Variants in ANKRD33B observed in about 807,000 individuals in gnomAD.
ANKRD33B encodes the protein ankyrin repeat domain-containing protein 33B.
ANKRD33B carries 6 observed loss-of-function variants against 21.5 expected under a neutral mutation model. The ratio of observed to expected loss-of-function variants is 0.28; its 90% CI spans 0.15 to 0.55. ANKRD33B has a LOEUF of 0.55. Ranked by LOEUF, ANKRD33B falls within the 20% of genes least tolerant of loss-of-function variation. ANKRD33B has a pLI of 0.94. For missense variants in ANKRD33B, 698 were observed against 747.2 expected (o/e 0.93, Z 0.77); for synonymous variants, 347 against 342.4 (o/e 1.01, Z -0.15).
At chr5:10,644,684 A>G (rs1350740676) in intron 3 of ANKRD33B, among the ~76,000 whole-genome samples, 1 of 152,236 alleles carries the variant, frequency 6.6e-6, no homozygotes, top group East Asian at 1.9e-4. Flanking sequence ...TTCCAACCAT[A>G]TAGAGGTTTC....
chr5:10,571,012 A>AATT (rs966924961), intron 1 of ANKRD33B, among the ~76,000 whole-genome samples: 95 of 149,998 alleles, frequency 6.3e-4, no homozygotes, highest in African/African-American at 2.3e-3. Flanking sequence ...ATAACATTGT[A>AATT]ATTATTATTA....
At chr5:10,638,249 A>T in intron 3 of ANKRD33B, 81 bp downstream of exon 3, 1 of 1,461,868 alleles carries the variant, frequency 6.8e-7, no homozygotes, top group Non-Finnish European at 9.1e-7. Flanking sequence ...TTTGAGATTA[A>T]TCACTCCCAT....
chr5:10,606,791 C>G (rs1379721951), intron 1 of ANKRD33B, among the ~76,000 whole-genome samples: 1 of 150,754 alleles, frequency 6.6e-6, no homozygotes, highest in Non-Finnish European at 1.5e-5. Flanking sequence ...GGCAGTGGCG[C>G]AATCTCAGCT....
At chr5:10,615,450 T>A (rs544885204) in intron 1 of ANKRD33B, among the ~76,000 whole-genome samples, 22 of 152,338 alleles carry the variant, frequency 1.4e-4, no homozygotes, top group African/African-American at 5.1e-4. Flanking sequence ...TATCCAAGAA[T>A]AGGGATTTGT....
intron 2 of ANKRD33B, chr5:10,625,168 T>C (rs533333866): frequency 5.7e-6 from 1 of 174,636 alleles, no homozygotes; most frequent in African/African-American, 2.4e-5. Flanking sequence ...AAGAGGCTGT[T>C]TAGGCCCAAT....
chr5:10,634,604 C>T (rs1374353048), intron 2 of ANKRD33B, among the ~76,000 whole-genome samples: 1 of 151,846 alleles, frequency 6.6e-6, no homozygotes, highest in Non-Finnish European at 1.5e-5. Flanking sequence ...AGAATATAGG[C>T]ATGCACCAGC....
rs144188919 is a variant in ANKRD33B at position 10,606,463 on chromosome 5, C to T, written c.367-11870C>T. Among the ~76,000 whole-genome samples, 936 of 152,186 alleles carry T rather than the reference C, an allele frequency of 6.2e-3. 9 individuals are homozygous for T. Among genetic ancestry groups the T allele is most frequent in the African/African-American group, 0.021 (878 of 41,544 alleles). On this transcript the variant is annotated intron_variant, in intron 1 of 3. Transcript: ENST00000296657. ...TAAAAATACAAATATTGGCCTGGCA[C>T]AGTAGCTCACGCCTGTAATCCCAGC...
At chr5:10,611,681 C>T (rs988530393) in intron 1 of ANKRD33B, among the ~76,000 whole-genome samples, 3 of 152,208 alleles carry the variant, frequency 2.0e-5, no homozygotes, top group Admixed American at 1.3e-4. Flanking sequence ...GACCTTTACC[C>T]TCCAAACTTC....
intron 1 of ANKRD33B, among the ~76,000 whole-genome samples, chr5:10,569,149 CCTCGGTG>C (rs1387251538): frequency 6.6e-6 from 1 of 152,146 alleles, no homozygotes; most frequent in Admixed American, 6.5e-5. Flanking sequence ...CTTTACCAGG[CCTCGGTG>C]CTCATGGCCT....
intron 2 of ANKRD33B, among the ~76,000 whole-genome samples, chr5:10,636,959 G>A (rs149616734): frequency 2.0e-5 from 3 of 152,288 alleles, no homozygotes; most frequent in African/African-American, 7.2e-5. Context: ...GGCATCTATC[G>A]GGTAGAGACC....
chr5:10,617,657 A>G (rs1274142114), intron 1 of ANKRD33B, among the ~76,000 whole-genome samples: 2 of 152,152 alleles, frequency 1.3e-5, no homozygotes, highest in African/African-American at 2.4e-5. Context: ...CCGATGGCTC[A>G]GGACACTCCC....
intron 1 of ANKRD33B, among the ~76,000 whole-genome samples, chr5:10,602,695 C>T (rs533462866): frequency 3.9e-5 from 6 of 152,236 alleles, no homozygotes; most frequent in Admixed American, 1.3e-4. Flanking sequence ...GAGTCTGAAA[C>T]GAGTGGACAA....
At chr5:10,604,738 ATGAT>A (rs1736006301) in intron 1 of ANKRD33B, among the ~76,000 whole-genome samples, 1 of 152,162 alleles carries the variant, frequency 6.6e-6, no homozygotes, top group South Asian at 2.1e-4. Context: ...ACTTTAATGA[ATGAT>A]CCAGTTCTCA....
At chr5:10,642,618 T>C (rs2062198) in intron 3 of ANKRD33B, among the ~76,000 whole-genome samples, 63,784 of 152,040 alleles carry the variant, frequency 0.42, 13,654 homozygotes, top group Middle Eastern at 0.56. Flanking sequence ...CGCAGGAAGG[T>C]GGGATGCGGA....
intron 3 of ANKRD33B, among the ~76,000 whole-genome samples, chr5:10,641,219 CTTCTTCTTT>C (rs1737048339): frequency 2.6e-5 from 3 of 116,290 alleles, no homozygotes; most frequent in Non-Finnish European, 3.9e-5. Context: ...TCTTCTTCTT[CTTCTTCTTT>C]TTTTTTTTTT....
At chr5:10,595,179 A>G (rs1460257354) in intron 1 of ANKRD33B, among the ~76,000 whole-genome samples, 1 of 152,146 alleles carries the variant, frequency 6.6e-6, no homozygotes, top group Non-Finnish European at 1.5e-5. Context: ...CATCCTGAGC[A>G]GGAGAGGAGG....
chr5:10,620,016 G>T (rs1736384047), intron 2 of ANKRD33B, among the ~76,000 whole-genome samples: 4 of 152,140 alleles, frequency 2.6e-5, no homozygotes, highest in Admixed American at 2.6e-4. Flanking sequence ...AGTGTAGGTG[G>T]GCATGGCTGT....
At position 10,649,842 on chromosome 5, in the gene ANKRD33B, G is replaced by T; in HGVS notation, c.1214G>T (p.Ser405Ile). ...GCAGCGCCCGCCCCGCGGAAGGCCA[G>T]CCTCCTGCCCCTGCAGCGCCTGCGG... Reference protein sequence around the residue: ...GPAAPAPRKASLLPLQRLRRR... With the variant: ...GPAAPAPRKAILLPLQRLRRR... The change falls in exon 4 of 4, where the codon AGC becomes ATC. Residue 405 changes from serine to isoleucine, a missense_variant. By Grantham distance (142) the Ser-to-Ile change is moderately radical (BLOSUM62 -2). Around this residue, in one of 3 missense-constraint regions of ANKRD33B, gnomAD observed 543 missense variants for 566.5 expected, o/e 0.96. Transcript: ENST00000296657. 7.1e-7 allele frequency: 1 copy of T among 1,404,368 alleles called. No homozygotes were observed. Among genetic ancestry groups the T allele is most frequent in the Non-Finnish European group, 9.2e-7 (1 of 1,084,770 alleles). 87.0% of individuals were successfully genotyped at this position (1,404,368 alleles called of 1,614,324 possible).
intron 2 of ANKRD33B, among the ~76,000 whole-genome samples, chr5:10,637,677 TC>T (rs1358980696): frequency 3.3e-5 from 5 of 152,082 alleles, no homozygotes; most frequent in Non-Finnish European, 5.9e-5. Flanking sequence ...AGTTGAGGCT[TC>T]CTGCCCTCAT....
Sources: allele counts gnomAD v4.1 joint callset (sites outside exome capture counted in the v4.1 genomes callset), GRCh38; gene constraint gnomAD v4.1.1; regional missense constraint gnomAD v4.1.1; transcripts MANE v1.5; gene names NCBI Gene and HGNC (gene_info 2026-07-23, HGNC 2026-07-21).